The following TRAPPC9 variants were observed in gnomAD, a reference collection of about 807,000 sequenced individuals.
TRAPPC9 encodes IKK2 binding protein.
In TRAPPC9, 83 loss-of-function variants were observed where a neutral mutation model predicts 124.0. The observed-to-expected ratio is 0.67, with a 90% CI of 0.56 to 0.80. The LOEUF is 0.80. Ranked by LOEUF, TRAPPC9 falls within the 30% of genes least tolerant of loss-of-function variation. The probability of loss-of-function intolerance (pLI) is 0.00; values close to 1 mark genes in which losing one functional copy is unlikely to be tolerated. For synonymous variants in TRAPPC9, 638 were observed against 617.5 expected (o/e 1.03, Z -0.49); for missense variants, 1,302 against 1,508.3 (o/e 0.86, Z 2.27).
chr8:139,768,605 T>C (rs554745747), intron 21 of TRAPPC9, among the ~76,000 whole-genome samples: 1 of 152,254 alleles, frequency 6.6e-6, no homozygotes, highest in African/African-American at 2.4e-5. Context: ...CTTCTTTGTG[T>C]TCACCTCCAA....
intron 5 of TRAPPC9, among the ~76,000 whole-genome samples, chr8:140,414,887 G>A (rs886433408): frequency 2.6e-5 from 4 of 151,924 alleles, no homozygotes; most frequent in African/African-American, 4.8e-5. Context: ...GATTACAGAC[G>A]TGCCAACATG....
intron 19 of TRAPPC9, among the ~76,000 whole-genome samples, chr8:139,939,445 C>A (rs1292537736): frequency 6.6e-6 from 1 of 152,184 alleles, no homozygotes; most frequent in Non-Finnish European, 1.5e-5. Context: ...TCCAGCACGC[C>A]GCATGGGGCT....
intron 17 of TRAPPC9, among the ~76,000 whole-genome samples, chr8:140,217,805 C>A (rs370179272): frequency 6.6e-6 from 1 of 152,108 alleles, no homozygotes; most frequent in Non-Finnish European, 1.5e-5. Context: ...CACTTGAGGT[C>A]GGAAGTTTGA....
chr8:140,448,297 G>A (rs1199898740), intron 2 of TRAPPC9, among the ~76,000 whole-genome samples: 1 of 152,182 alleles, frequency 6.6e-6, no homozygotes, highest in East Asian at 1.9e-4. Context: ...AATTGCGGCT[G>A]TCCCACTACA....
At chr8:140,113,498 A>G (rs2060820849) in intron 17 of TRAPPC9, among the ~76,000 whole-genome samples, 1 of 152,196 alleles carries the variant, frequency 6.6e-6, no homozygotes, top group Admixed American at 6.5e-5. Flanking sequence ...AAGGATGGGG[A>G]GAGAGACCAC....
intron 21 of TRAPPC9, among the ~76,000 whole-genome samples, chr8:139,736,835 G>A (rs1245717032): frequency 6.6e-6 from 1 of 152,164 alleles, no homozygotes; most frequent in Non-Finnish European, 1.5e-5. Context: ...CCGAACAAGC[G>A]GTGTCCAGTC....
intron 11 of TRAPPC9, among the ~76,000 whole-genome samples, chr8:140,299,123 G>A (rs1248627004): frequency 6.6e-6 from 1 of 152,230 alleles, no homozygotes; most frequent in Non-Finnish European, 1.5e-5. Context: ...GACAACAAGA[G>A]AGCCAATGAT....
At chr8:140,238,823 G>C (rs62527483) in intron 16 of TRAPPC9, among the ~76,000 whole-genome samples, 1 of 152,188 alleles carries the variant, frequency 6.6e-6, no homozygotes, top group African/African-American at 2.4e-5. Flanking sequence ...CTGGGGCCAC[G>C]GGGAAAACAG....
chr8:140,377,306 C>A (rs1043302513), intron 7 of TRAPPC9, among the ~76,000 whole-genome samples: 22 of 150,758 alleles, frequency 1.5e-4, no homozygotes, highest in African/African-American at 5.1e-4. Context: ...TTTTTTTCTT[C>A]TCTTTTTTTG....
At chr8:139,982,972 C>T (rs1186614613) in intron 19 of TRAPPC9, among the ~76,000 whole-genome samples, 4 of 152,174 alleles carry the variant, frequency 2.6e-5, no homozygotes, top group African/African-American at 9.7e-5. Context: ...CTCGTCACGT[C>T]GTGCTGTAAA....
intron 18 of TRAPPC9, among the ~76,000 whole-genome samples, chr8:140,001,204 G>A (rs1379597302): frequency 6.6e-6 from 1 of 152,148 alleles, no homozygotes; most frequent in Non-Finnish European, 1.5e-5. Flanking sequence ...GACACAGGGT[G>A]GAGAACATCA....
intron 9 of TRAPPC9, among the ~76,000 whole-genome samples, chr8:140,334,545 G>A (rs901981764): frequency 6.6e-6 from 1 of 152,028 alleles, no homozygotes; most frequent in African/African-American, 2.4e-5. Flanking sequence ...AGCTACTCGG[G>A]AGGCTGAGGC....
chr8:140,279,944 G>A (rs2065254592), intron 14 of TRAPPC9, among the ~76,000 whole-genome samples: 1 of 152,104 alleles, frequency 6.6e-6, no homozygotes, highest in Non-Finnish European at 1.5e-5. Context: ...TTCGCCTTAA[G>A]CCACCCCCCG....
intron 17 of TRAPPC9, among the ~76,000 whole-genome samples, chr8:140,073,913 T>C (rs1478549560): frequency 6.6e-6 from 1 of 152,226 alleles, no homozygotes; most frequent in Non-Finnish European, 1.5e-5. Context: ...ATCCCTGATA[T>C]ACGTCTGCCT....
intron 19 of TRAPPC9, among the ~76,000 whole-genome samples, chr8:139,940,736 C>T (rs559466413): frequency 2.0e-5 from 3 of 152,294 alleles, no homozygotes; most frequent in African/African-American, 4.8e-5. Context: ...CCTTGGCCAA[C>T]GTCCCTCTTC....
intron 21 of TRAPPC9, among the ~76,000 whole-genome samples, chr8:139,856,548 A>G (rs1232590981): frequency 6.6e-6 from 1 of 152,134 alleles, no homozygotes; most frequent in Non-Finnish European, 1.5e-5. Context: ...GCTTCCCCTG[A>G]GCTCATGGGT....
At chr8:139,880,474 G>A (rs1829611627) in intron 21 of TRAPPC9, among the ~76,000 whole-genome samples, 1 of 152,092 alleles carries the variant, frequency 6.6e-6, no homozygotes, top group Admixed American at 6.5e-5. Context: ...AATGTGCTGG[G>A]GTCCCGTTTA....
At chr8:140,044,624 G>A (rs1052122986) in intron 17 of TRAPPC9, among the ~76,000 whole-genome samples, 2 of 152,260 alleles carry the variant, frequency 1.3e-5, no homozygotes, top group Non-Finnish European at 2.9e-5. Context: ...CCCAGTGGAG[G>A]AGGTGGGTAA....
intron 15 of TRAPPC9, among the ~76,000 whole-genome samples, chr8:140,273,554 A>C (rs1478849328): frequency 1.3e-5 from 2 of 152,150 alleles, no homozygotes; most frequent in East Asian, 3.9e-4. Flanking sequence ...AGTGAGCTCC[A>C]ATGCCTCCTT....
Sources: allele counts gnomAD v4.1 joint callset (sites outside exome capture counted in the v4.1 genomes callset), GRCh38; gene constraint gnomAD v4.1.1; transcripts MANE v1.5; gene names NCBI Gene and HGNC (gene_info 2026-07-23, HGNC 2026-07-21).